ASTN2: variants seen among roughly 807,000 people sequenced by gnomAD.
The protein encoded by ASTN2 is astrotactin-2.
Under a neutral mutation model 139.8 loss-of-function variants are expected in ASTN2, and 54 were observed. That is an observed-to-expected ratio of 0.39 (90% confidence interval 0.31 to 0.48). ASTN2 has a LOEUF of 0.48. Among genes scored for constraint, ASTN2 ranks in the 20% least tolerant of loss-of-function variants. The probability of loss-of-function intolerance (pLI) is 0.95; values close to 1 mark genes in which losing one functional copy is unlikely to be tolerated. For missense variants in ASTN2, 1,565 were observed against 1,725.1 expected (o/e 0.91, Z 1.64); for synonymous variants, 756 against 719.5 (o/e 1.05, Z -0.81).
chr9:117,013,110 G>T (rs1034565002), intron 6 of ASTN2, among the ~76,000 whole-genome samples: 5 of 151,714 alleles, frequency 3.3e-5, no homozygotes, highest in African/African-American at 1.2e-4. Flanking sequence ...TACAATCACT[G>T]CCATGCTTAG....
At chr9:117,157,597 G>T (rs1465903103) in intron 3 of ASTN2, among the ~76,000 whole-genome samples, 2 of 151,988 alleles carry the variant, frequency 1.3e-5, no homozygotes, top group African/African-American at 4.8e-5. Context: ...GCAAAACAGG[G>T]ACTGAAGCAA....
At chr9:117,111,702 G>GA (rs1829254618) in intron 4 of ASTN2, among the ~76,000 whole-genome samples, 1 of 151,960 alleles carries the variant, frequency 6.6e-6, no homozygotes, top group Non-Finnish European at 1.5e-5. Flanking sequence ...AAAGCTCATG[G>GA]AAAATCAAAC....
intron 3 of ASTN2, among the ~76,000 whole-genome samples, chr9:117,207,249 C>G (rs1017976520): frequency 6.6e-6 from 1 of 152,112 alleles, no homozygotes; most frequent in Admixed American, 6.5e-5. Context: ...ATGGCCATGT[C>G]CCAGGTCCAA....
chr9:116,666,088 T>C (rs1376719826), intron 16 of ASTN2, among the ~76,000 whole-genome samples: 1 of 152,146 alleles, frequency 6.6e-6, no homozygotes, highest in African/African-American at 2.4e-5. Context: ...AAAGAATAGA[T>C]CTAGACAACT....
intron 13 of ASTN2, among the ~76,000 whole-genome samples, chr9:116,755,387 A>G (rs1368540502): frequency 6.6e-6 from 1 of 152,176 alleles, no homozygotes; most frequent in Non-Finnish European, 1.5e-5. Flanking sequence ...GGTCATTAAG[A>G]TGGGTCCTAA....
At chr9:116,905,202 C>CGT (rs1371053900) in intron 10 of ASTN2, among the ~76,000 whole-genome samples, 2 of 152,068 alleles carry the variant, frequency 1.3e-5, no homozygotes, top group Non-Finnish European at 2.9e-5. Flanking sequence ...TACAGAAGAG[C>CGT]GTGTGCTCCT....
chr9:116,604,144 C>G (rs573415480), intron 19 of ASTN2, among the ~76,000 whole-genome samples: 1 of 152,154 alleles, frequency 6.6e-6, no homozygotes, highest in Non-Finnish European at 1.5e-5. Flanking sequence ...TTATGCCTGT[C>G]CTGTTACCAT....
At chr9:116,571,857 T>C (rs1853532019) in intron 19 of ASTN2, among the ~76,000 whole-genome samples, 1 of 152,158 alleles carries the variant, frequency 6.6e-6, no homozygotes. Flanking sequence ...TTTCGTTGGC[T>C]GCACATAGCT....
chr9:117,174,812 A>G (rs996857478), intron 3 of ASTN2, among the ~76,000 whole-genome samples: 4 of 152,098 alleles, frequency 2.6e-5, no homozygotes, highest in African/African-American at 4.8e-5. Flanking sequence ...GTTTACTAAC[A>G]TTTACTATTT....
At chr9:116,799,211 C>G (rs35079837) in intron 13 of ASTN2, among the ~76,000 whole-genome samples, 19,581 of 152,070 alleles carry the variant, frequency 0.13, 1,672 homozygotes, top group Non-Finnish European at 0.19. Flanking sequence ...TTAATAAGAA[C>G]TGACTCAGTA....
At chr9:117,087,179 T>C (rs78388636) in intron 5 of ASTN2, among the ~76,000 whole-genome samples, 171 of 152,056 alleles carry the variant, frequency 1.1e-3, no homozygotes, top group African/African-American at 4.0e-3. Flanking sequence ...TCAAGAAAAA[T>C]GTTTATTGTT....
intron 19 of ASTN2, among the ~76,000 whole-genome samples, chr9:116,500,757 A>G (rs1482962056): frequency 6.6e-6 from 1 of 152,212 alleles, no homozygotes; most frequent in Non-Finnish European, 1.5e-5. Flanking sequence ...AATGAACTCA[A>G]ATAAGAATTA....
intron 6 of ASTN2, among the ~76,000 whole-genome samples, chr9:117,016,012 G>C (rs11789328): frequency 0.2 from 30,538 of 151,904 alleles, 3,885 homozygotes; most frequent in East Asian, 0.46. Flanking sequence ...GAGATATATT[G>C]TATATCTGCT....
At chr9:117,139,593 A>G (rs1281026120) in intron 4 of ASTN2, among the ~76,000 whole-genome samples, 2 of 152,230 alleles carry the variant, frequency 1.3e-5, no homozygotes, top group African/African-American at 4.8e-5. Flanking sequence ...AGATTTTACA[A>G]GATTAAGAAT....
chr9:117,346,256 T>C (rs922955556), intron 1 of ASTN2, among the ~76,000 whole-genome samples: 2 of 152,158 alleles, frequency 1.3e-5, no homozygotes, highest in African/African-American at 4.8e-5. Flanking sequence ...AGGTAAGGCA[T>C]AGAACACTAG....
chr9:116,572,134 A>C (rs1423990223), intron 19 of ASTN2, among the ~76,000 whole-genome samples: 1 of 151,820 alleles, frequency 6.6e-6, no homozygotes, highest in East Asian at 1.9e-4. Context: ...GCCTCTGTGA[A>C]ATGTGTCTGT....
At chr9:116,998,661 A>T (rs571441387) in intron 7 of ASTN2, among the ~76,000 whole-genome samples, 104 of 152,310 alleles carry the variant, frequency 6.8e-4, no homozygotes, top group Middle Eastern at 3.4e-3. Context: ...AGCAATAAAC[A>T]AGGTGAGCAA....
chr9:116,971,393 A>T (rs1309314983), intron 10 of ASTN2, among the ~76,000 whole-genome samples: 1 of 152,172 alleles, frequency 6.6e-6, no homozygotes, highest in Admixed American at 6.5e-5. Context: ...AAAAATTGGC[A>T]ATGTTCTCTC....
chr9:116,881,649 G>A (rs1833452256), intron 10 of ASTN2, among the ~76,000 whole-genome samples: 1 of 152,160 alleles, frequency 6.6e-6, no homozygotes, highest in African/African-American at 2.4e-5. Context: ...ACCTGGAGTG[G>A]CCACTGCCTT....
Sources: gnomAD v4.1 joint callset for allele counts (sites outside exome capture counted in the v4.1 genomes callset) on GRCh38, gnomAD v4.1.1 for gene constraint, MANE v1.5 for transcripts, NCBI Gene and HGNC (gene_info 2026-07-23, HGNC 2026-07-21) for gene names.